The following SCFD2 variants were observed in gnomAD, a reference collection of about 807,000 sequenced individuals.
The protein encoded by SCFD2 is sec1 family domain-containing protein 2.
Under a neutral mutation model 58.9 loss-of-function variants are expected in SCFD2, and 54 were observed. The ratio of observed to expected loss-of-function variants is 0.92; its 90% CI spans 0.74 to 1.15. SCFD2 has a LOEUF of 1.15. SCFD2 is among the 50% of genes most tolerant of loss of function. SCFD2 has a pLI of 0.00. For synonymous variants in SCFD2, 321 were observed against 335.9 expected (o/e 0.96, Z 0.49); for missense variants, 805 against 836.6 (o/e 0.96, Z 0.47).
intron 6 of SCFD2, among the ~76,000 whole-genome samples, chr4:52,918,563 G>T (rs1719661536): frequency 6.6e-6 from 1 of 152,082 alleles, no homozygotes; most frequent in South Asian, 2.1e-4. Flanking sequence ...TATAGAATAT[G>T]TAAAAATAAA....
chr4:53,227,131 T>C (rs1577865226), intron 4 of SCFD2, among the ~76,000 whole-genome samples: 3 of 152,254 alleles, frequency 2.0e-5, no homozygotes, highest in Admixed American at 2.0e-4. Context: ...TCTGGCCTCT[T>C]ATCTGAGCAT....
chr4:52,963,597 A>G (rs1720899335), intron 5 of SCFD2, among the ~76,000 whole-genome samples: 1 of 152,210 alleles, frequency 6.6e-6, no homozygotes, highest in East Asian at 1.9e-4. Flanking sequence ...TATAAGGTAC[A>G]GTTACACACT....
At chr4:53,298,356 G>A (rs1273271161) in intron 3 of SCFD2, among the ~76,000 whole-genome samples, 1 of 152,184 alleles carries the variant, frequency 6.6e-6, no homozygotes, top group Non-Finnish European at 1.5e-5. Flanking sequence ...TGCTAGCACA[G>A]CAGTCTGAGA....
chr4:53,035,045 G>C (rs1193100719), intron 5 of SCFD2, among the ~76,000 whole-genome samples: 9 of 152,142 alleles, frequency 5.9e-5, no homozygotes, highest in Admixed American at 4.6e-4. Flanking sequence ...GAACAAACCT[G>C]GAGGCATCAC....
intron 1 of SCFD2, among the ~76,000 whole-genome samples, chr4:53,361,428 G>A (rs898662339): frequency 5.3e-5 from 8 of 152,102 alleles, no homozygotes; most frequent in East Asian, 1.9e-4. Context: ...ACAAGGTCTC[G>A]CTCTGTCACC....
At chr4:52,879,998 G>A (rs1438383465) in intron 8 of SCFD2, among the ~76,000 whole-genome samples, 4 of 152,226 alleles carry the variant, frequency 2.6e-5, no homozygotes, top group Non-Finnish European at 5.9e-5. Context: ...TGCTGTATAG[G>A]CACACGCACA....
intron 5 of SCFD2, among the ~76,000 whole-genome samples, chr4:53,077,696 C>G (rs188709995): frequency 0.012 from 1,829 of 152,214 alleles, 10 homozygotes; most frequent in Middle Eastern, 0.037. Context: ...TCTTGGCCCC[C>G]CAAAGTGCTA....
At chr4:53,172,235 C>T (rs1178068420) in intron 4 of SCFD2, among the ~76,000 whole-genome samples, 2 of 151,976 alleles carry the variant, frequency 1.3e-5, no homozygotes, top group Non-Finnish European at 2.9e-5. Context: ...AATCTCCTGA[C>T]CTTGTGATCT....
rs1389821737 is a variant in SCFD2, at chr4:53,238,337, G to A, written c.1311+35489C>T. Among the ~76,000 whole-genome samples the A allele has an allele frequency of 2.0e-3, 8 of 3,910 alleles. No individual in the cohort carries two copies. In the South Asian group the frequency reaches 0.041, roughly 20 times the overall value. The allele number at this position is 3,910 out of a possible 152,430, so 2.6% of individuals were successfully genotyped here. On this transcript the variant is annotated intron_variant, in intron 4 of 8. Transcript: ENST00000401642. ...CCCCCACCTCCCTCCTGGACGGGGC[G>A]GCTGGCCGGGCGGGGGCTGATGCCC... is the stretch of plus-strand genomic sequence containing the variant.
chr4:53,175,551 T>C (rs2148940874), intron 4 of SCFD2, among the ~76,000 whole-genome samples: 1 of 152,328 alleles, frequency 6.6e-6, no homozygotes, highest in African/African-American at 2.4e-5. Flanking sequence ...AATTGAAATA[T>C]TACCATGAAT....
intron 4 of SCFD2, among the ~76,000 whole-genome samples, chr4:53,252,380 A>T (rs1730421326): frequency 6.6e-6 from 1 of 151,132 alleles, no homozygotes; most frequent in Admixed American, 6.6e-5. Context: ...ATTGGAAAAA[A>T]CTACTTTAAA....
intron 5 of SCFD2, among the ~76,000 whole-genome samples, chr4:53,012,114 T>C (rs1722106684): frequency 6.6e-6 from 1 of 151,650 alleles, no homozygotes; most frequent in South Asian, 2.1e-4. Flanking sequence ...AGAAAGATCC[T>C]GGCAGAAGTC....
intron 5 of SCFD2, among the ~76,000 whole-genome samples, chr4:52,992,451 C>CGCCCCACAAGAA (rs1721634301): frequency 6.6e-6 from 1 of 152,238 alleles, no homozygotes; most frequent in African/African-American, 2.4e-5. Context: ...GCCGCCACCC[C>CGCCCCACAAGAA]GTCTGGGAAG....
rs192502134 is a variant in SCFD2, at chr4:53,304,366, G to A, written c.1135+9270C>T. Reference sequence around the variant, plus strand: ...TTCTCTGTATTTCCGGAATTTGAACGTTGGCCTGTCTTGCTAGGTTGGGGA... The same window carrying A: ...TTCTCTGTATTTCCGGAATTTGAACATTGGCCTGTCTTGCTAGGTTGGGGA... On this transcript the variant is annotated intron_variant, in intron 3 of 8. Coordinates refer to ENST00000401642, the MANE Select transcript of SCFD2 (RefSeq NM_152540.4). Among the ~76,000 whole-genome samples, 94 of 152,108 alleles carry A rather than the reference G, an allele frequency of 6.2e-4. No homozygotes were observed. The Middle Eastern group carries it at 0.014, about 22-fold the overall frequency.
rs565034626 is a variant in SCFD2, at chr4:52,947,305, T to TCCGG, written c.1562-26439_1562-26436dup. ...AGTCATTTCATTATTTAGAGCGAGC[T>TCCGG]CCGGCCTTCATAGGCTTATGGCAGT... On this transcript the variant is annotated intron_variant, in intron 5 of 8. Coordinates refer to ENST00000401642, the MANE Select transcript of SCFD2 (RefSeq NM_152540.4). 3.1e-3 allele frequency among the ~76,000 whole-genome samples: 479 copies of TCCGG among 152,272 alleles called. 5 individuals are homozygous for TCCGG. The highest frequency in any genetic ancestry group is 0.018 in the South Asian group (88 of 4,818).
intron 4 of SCFD2, among the ~76,000 whole-genome samples, chr4:53,220,112 G>A (rs1432165503): frequency 6.6e-6 from 1 of 152,126 alleles, no homozygotes; most frequent in Non-Finnish European, 1.5e-5. Flanking sequence ...CTTCAGAAAT[G>A]CCCAACCCTC....
chr4:52,931,415 G>A (rs1003195928), intron 5 of SCFD2, among the ~76,000 whole-genome samples: 3 of 152,142 alleles, frequency 2.0e-5, no homozygotes, highest in African/African-American at 7.2e-5. Flanking sequence ...TCTGAACTAG[G>A]AGAAAACAAG....
At chr4:53,157,747 G>T (rs1192212576) in intron 4 of SCFD2, among the ~76,000 whole-genome samples, 1 of 151,958 alleles carries the variant, frequency 6.6e-6, no homozygotes, top group Non-Finnish European at 1.5e-5. Context: ...AATATCAATA[G>T]TTACCAATTT....
At chr4:53,339,324 C>T (rs1168007995) in intron 2 of SCFD2, among the ~76,000 whole-genome samples, 1 of 150,376 alleles carries the variant, frequency 6.6e-6, no homozygotes, top group East Asian at 1.9e-4. Context: ...CATGTTATTA[C>T]ATATATATGT....
Sources: gnomAD v4.1 joint callset for allele counts (sites outside exome capture counted in the v4.1 genomes callset) on GRCh38, gnomAD v4.1.1 for gene constraint, MANE v1.5 for transcripts, NCBI Gene and HGNC (gene_info 2026-07-23, HGNC 2026-07-21) for gene names.